Variants in TXK observed in about 807,000 individuals in gnomAD.
TXK encodes TXK tyrosine kinase, also known as tyrosine-protein kinase TXK.
Under a neutral mutation model 81.0 loss-of-function variants are expected in TXK, and 60 were observed. The observed-to-expected ratio is 0.74, with a 90% CI of 0.60 to 0.92. The LOEUF is 0.92. Ranked by LOEUF, TXK falls within the 40% of genes least tolerant of loss-of-function variation. The pLI is 0.00. For synonymous variants in TXK, 203 were observed against 210.7 expected (o/e 0.96, Z 0.32); for missense variants, 581 against 638.3 (o/e 0.91, Z 0.97).
At chr4:48,114,244 C>T in intron 2 of TXK, 104 bp downstream of exon 2, 1 of 1,189,508 alleles carries the variant, frequency 8.4e-7, no homozygotes, top group South Asian at 1.3e-5. Context: ...AGAAGGTTCC[C>T]AGGTAGAGAG....
At chr4:48,081,456 GT>G (rs1717296247) in intron 10 of TXK, among the ~76,000 whole-genome samples, 3 of 152,196 alleles carry the variant, frequency 2.0e-5, no homozygotes, top group Middle Eastern at 6.8e-3. Context: ...CTACATTCTT[GT>G]TTGTTATAAC....
intron 10 of TXK, among the ~76,000 whole-genome samples, chr4:48,084,620 G>A (rs563222230): frequency 1.3e-5 from 2 of 152,274 alleles, no homozygotes; most frequent in East Asian, 3.9e-4. Flanking sequence ...ATATCTACAG[G>A]AAGCAAAGGC....
chr4:48,114,725 A>T (rs1277250078), intron 1 of TXK, among the ~76,000 whole-genome samples: 1 of 152,200 alleles, frequency 6.6e-6, no homozygotes, highest in Non-Finnish European at 1.5e-5. Context: ...AGAGAATAGG[A>T]TTCCAGAAGT....
intron 1 of TXK, among the ~76,000 whole-genome samples, chr4:48,121,129 C>T (rs1019811760): frequency 1.3e-5 from 2 of 152,192 alleles, no homozygotes; most frequent in African/African-American, 4.8e-5. Context: ...ATCCCATTCC[C>T]TCCTGCAGCT....
At chr4:48,106,861 ATAAT>A (rs1718475613) in intron 5 of TXK, among the ~76,000 whole-genome samples, 1 of 152,236 alleles carries the variant, frequency 6.6e-6, no homozygotes. Flanking sequence ...TTTAAAAGGC[ATAAT>A]TAATTTTAAA....
chr4:48,075,778 A>T (rs1039551562), intron 12 of TXK, among the ~76,000 whole-genome samples: 1 of 152,180 alleles, frequency 6.6e-6, no homozygotes, highest in Non-Finnish European at 1.5e-5. Context: ...ATGCACACAG[A>T]TAACAAAAGG....
chr4:48,129,842 G>T (rs1344758019), intron 1 of TXK, among the ~76,000 whole-genome samples: 1 of 152,132 alleles, frequency 6.6e-6, no homozygotes, highest in African/African-American at 2.4e-5. Context: ...TGAGCTCAAA[G>T]TTCATAATAA....
intron 9 of TXK, among the ~76,000 whole-genome samples, chr4:48,087,822 A>G (rs1717594788): frequency 6.6e-6 from 1 of 152,232 alleles, no homozygotes; most frequent in Non-Finnish European, 1.5e-5. Flanking sequence ...ATAACCACAA[A>G]GAAAAATATT....
chr4:48,131,373 G>A (rs1214948411), intron 1 of TXK, among the ~76,000 whole-genome samples: 1 of 151,314 alleles, frequency 6.6e-6, no homozygotes, highest in Non-Finnish European at 1.5e-5. Flanking sequence ...AGACTGGAGT[G>A]GAGTGGTGCA....
At chr4:48,108,858 G>T (rs1718543073) in intron 5 of TXK, among the ~76,000 whole-genome samples, 1 of 152,110 alleles carries the variant, frequency 6.6e-6, no homozygotes, top group Non-Finnish European at 1.5e-5. Flanking sequence ...TCTAAACAGG[G>T]TAATCAATGA....
rs761065361 is a variant in TXK, at chr4:48,072,484, G to A, written c.1358-810C>T. ...CTAAAAGATTAGACTGATGGGCAGA[G>A]CCCCAGAATATCTAGCAGGGGCTCT... On this transcript the variant is annotated intron_variant, in intron 13 of 14. Transcript: ENST00000264316. Among the ~76,000 whole-genome samples, 41 of 152,308 alleles carry A rather than the reference G, an allele frequency of 2.7e-4. No individual in the cohort carries two copies. In the South Asian group the frequency reaches 3.7e-3, roughly 14 times the overall value.
intron 12 of TXK, among the ~76,000 whole-genome samples, chr4:48,076,085 T>C (rs975927083): frequency 2.0e-5 from 3 of 152,358 alleles, no homozygotes; most frequent in Middle Eastern, 6.8e-3. Context: ...TTTTCTTCCA[T>C]AAACATATGT....
At chr4:48,112,022 G>A (rs939845450) in intron 4 of TXK, among the ~76,000 whole-genome samples, 1 of 152,210 alleles carries the variant, frequency 6.6e-6, no homozygotes. Flanking sequence ...TACATTGTCA[G>A]AATTATTATT....
Position 48,116,631 on chromosome 4 carries a change from T to A in TXK, c.17-2229A>T, listed in dbSNP as rs1718821011. Among the ~76,000 whole-genome samples the A allele has an allele frequency of 2.0e-5, 3 of 152,182 alleles. No individual in the cohort carries two copies. The East Asian group carries it at 5.8e-4, about 29-fold the overall frequency. ...CCCAGGCCACCTGGAAAAGAGCATG[T>A]ATCATCCATCCAAGGACACAGACTG... On this transcript the variant is annotated intron_variant, in intron 1 of 14. Transcript: ENST00000264316.
intron 4 of TXK, among the ~76,000 whole-genome samples, 178 bp downstream of exon 4, chr4:48,112,129 G>A (rs1218583874): frequency 6.6e-6 from 1 of 152,220 alleles, no homozygotes; most frequent in African/African-American, 2.4e-5. Context: ...GTGAAGCCAG[G>A]TGTATCTGGT....
chr4:48,098,397 A>G (rs761066803), intron 6 of TXK, among the ~76,000 whole-genome samples: 1 of 152,214 alleles, frequency 6.6e-6, no homozygotes, highest in Non-Finnish European at 1.5e-5. Flanking sequence ...AATTTATCAT[A>G]TTATTAGGTT....
chr4:48,090,383 C>T (rs1459588026), intron 8 of TXK, among the ~76,000 whole-genome samples: 1 of 152,136 alleles, frequency 6.6e-6, no homozygotes, highest in African/African-American at 2.4e-5. Context: ...TTTATTCAAC[C>T]ACCAACGGTG....
intron 1 of TXK, among the ~76,000 whole-genome samples, chr4:48,115,971 G>A (rs1217233128): frequency 6.6e-6 from 1 of 152,194 alleles, no homozygotes; most frequent in Non-Finnish European, 1.5e-5. Flanking sequence ...AGGCAGCAGA[G>A]TACCTTAGAG....
chr4:48,110,639 G>A, intron 4 of TXK, 36 bp from the exon 5 acceptor site: 1 of 1,539,098 alleles, frequency 6.5e-7, no homozygotes, highest in Non-Finnish European at 9.0e-7. Flanking sequence ...CAAAATGCTT[G>A]GCATGTTTGT....
Sources: allele counts gnomAD v4.1 joint callset (sites outside exome capture counted in the v4.1 genomes callset), GRCh38; gene constraint gnomAD v4.1.1; transcripts MANE v1.5; gene names NCBI Gene and HGNC (gene_info 2026-07-23, HGNC 2026-07-21).